OR4K1: variants seen among roughly 807,000 people sequenced by gnomAD.
OR4K1 encodes the protein olfactory receptor 4K1.
In OR4K1, 16 loss-of-function variants were observed where a neutral mutation model predicts 14.4. The observed-to-expected ratio is 1.11, with a 90% confidence interval of 0.75 to 1.68. The LOEUF is 1.68. OR4K1 is among the 40% of genes most tolerant of loss of function. The pLI is 0.00. For missense variants in OR4K1, 548 were observed against 376.9 expected (o/e 1.45, Z -3.76); for synonymous variants, 181 against 133.1 (o/e 1.36, Z -2.48).
At chr14:19,930,818 T>C (rs1213223421), upstream of OR4K1, 1 of 152,250 alleles carries the variant, frequency 6.6e-6, no homozygotes, top group Non-Finnish European at 1.5e-5. Flanking sequence ...CTCTAAAGGG[T>C]GTTTTCTTGC....
upstream of OR4K1, among the ~76,000 whole-genome samples, chr14:19,928,963 G>T (rs1882122237): frequency 6.6e-6 from 1 of 151,362 alleles, no homozygotes; most frequent in Non-Finnish European, 1.5e-5. Context: ...GGGTTTTTTT[G>T]ATATATCAAA....
chr14:19,923,672 G>A, the OR4K1 span, among the ~76,000 whole-genome samples: 1 of 152,318 alleles, frequency 6.6e-6, no homozygotes, highest in East Asian at 1.9e-4. Context: ...ATTTAAAGAT[G>A]TGCATTTAGA....
At chr14:19,929,424 G>C (rs200888503), upstream of OR4K1, among the ~76,000 whole-genome samples, 365 of 150,350 alleles carry the variant, frequency 2.4e-3, 2 homozygotes, top group Non-Finnish European at 4.0e-3. Flanking sequence ...GGGAGAGAGA[G>C]AGAGACAGAG....
At chr14:19,927,755 T>C (rs1383647711), upstream of OR4K1, among the ~76,000 whole-genome samples, 3 of 152,202 alleles carry the variant, frequency 2.0e-5, no homozygotes, top group Admixed American at 6.5e-5. Context: ...TAGTGATTTG[T>C]CTTTATTGGA....
chr14:19,935,617 T>C (rs2138597149), intron 1 of OR4K1, 31 bp from the exon 2 acceptor site: 2 of 1,432,018 alleles, frequency 1.4e-6, no homozygotes, highest in Non-Finnish European at 9.5e-7. Flanking sequence ...ATGCCAATCA[T>C]TGTGACATTT....
At chr14:19,930,109 A>G (rs1882153312), upstream of OR4K1, among the ~76,000 whole-genome samples, 2 of 150,984 alleles carry the variant, frequency 1.3e-5, no homozygotes, top group South Asian at 2.1e-4. Flanking sequence ...CTAAAATATT[A>G]TATTTCCCCA....
chr14:19,924,652 C>T, the OR4K1 span, among the ~76,000 whole-genome samples: 1 of 152,148 alleles, frequency 6.6e-6, no homozygotes, highest in Non-Finnish European at 1.5e-5. Flanking sequence ...CCTCAAAGAT[C>T]TAGAGCCAGA....
intron 1 of OR4K1, among the ~76,000 whole-genome samples, chr14:19,932,251 C>T (rs541410945): frequency 6.6e-6 from 1 of 152,196 alleles, no homozygotes; most frequent in Non-Finnish European, 1.5e-5. Flanking sequence ...AGGAATAATT[C>T]CACTAACATT....
At chr14:19,928,462 G>T (rs145021573), upstream of OR4K1, among the ~76,000 whole-genome samples, 1,726 of 152,008 alleles carry the variant, frequency 0.011, 19 homozygotes, top group African/African-American at 0.04. Flanking sequence ...CCAATGTGTC[G>T]CTAATTCATG....
chr14:19,920,943 G>C, the OR4K1 span: 2 of 1,614,050 alleles, frequency 1.2e-6, no homozygotes, highest in Non-Finnish European at 1.7e-6. Flanking sequence ...AGGGGAGATG[G>C]TGCTACTTGT....
At chr14:19,923,825 G>A in the OR4K1 span, among the ~76,000 whole-genome samples, 2 of 152,162 alleles carry the variant, frequency 1.3e-5, no homozygotes, top group African/African-American at 2.4e-5. Context: ...TATTTTTTTA[G>A]AGTTACTTTT....
rs747805659 is a variant in OR4K1 at position 19,936,294 on chromosome 14, T to G, written c.628T>G (p.Cys210Gly). 1.2e-6 allele frequency: 2 copies of G among 1,614,276 alleles called. No individual in the cohort carries two copies. Among genetic ancestry groups the G allele is most frequent in the Non-Finnish European group, 1.7e-6 (2 of 1,180,050 alleles). The change falls in exon 2 of 2, where the codon TGT becomes GGT. Residue 210 changes from cysteine to glycine, a missense_variant. By Grantham distance (159) the Cys-to-Gly change is radical. Coordinates refer to ENST00000641172, the MANE Select transcript of OR4K1 (RefSeq NM_001004063.3). ...LTNSGLISLS[C>G]FLALIISYTI... ...GAACAGTGGCCTGATATCATTGAGC[T>G]GTTTCCTGGCTTTAATTATTTCCTA...
chr14:19,921,150 C>T, the OR4K1 span: 24 of 1,614,108 alleles, frequency 1.5e-5, no homozygotes, highest in African/African-American at 4.0e-5. Context: ...TTGTGATCTT[C>T]CTCGAGTCAC....
At chr14:19,932,599 T>A (rs1882209605) in intron 1 of OR4K1, among the ~76,000 whole-genome samples, 1 of 152,214 alleles carries the variant, frequency 6.6e-6, no homozygotes, top group Non-Finnish European at 1.5e-5. Flanking sequence ...CCACCACTGT[T>A]CTATCACTCA....
intron 1 of OR4K1, among the ~76,000 whole-genome samples, chr14:19,934,601 G>A (rs1481992326): frequency 6.6e-6 from 1 of 152,194 alleles, no homozygotes; most frequent in Non-Finnish European, 1.5e-5. Context: ...TTTTCAGAGT[G>A]TAACCATTGG....
chr14:19,930,735 C>A (rs1350594312), upstream of OR4K1, among the ~76,000 whole-genome samples: 4 of 152,200 alleles, frequency 2.6e-5, no homozygotes, highest in African/African-American at 9.7e-5. Context: ...ACAAACAAAC[C>A]TTTTTTTCTT....
upstream of OR4K1, among the ~76,000 whole-genome samples, chr14:19,930,531 T>C (rs1463683174): frequency 6.6e-6 from 1 of 152,234 alleles, no homozygotes; most frequent in Non-Finnish European, 1.5e-5. Flanking sequence ...CAGACTGAAC[T>C]GTCTTATGAA....
chr14:19,926,753 T>G (rs1175232360), upstream of OR4K1, among the ~76,000 whole-genome samples: 1 of 152,230 alleles, frequency 6.6e-6, no homozygotes, highest in Admixed American at 6.5e-5. Flanking sequence ...GCCCAGCCAT[T>G]CAGGCTATGT....
At chr14:19,922,650 G>A in the OR4K1 span, among the ~76,000 whole-genome samples, 1 of 106,784 alleles carries the variant, frequency 9.4e-6, no homozygotes, top group Non-Finnish European at 2.0e-5. Context: ...GTTTTTACAT[G>A]TACTCTTTTT....
Sources: gnomAD v4.1 joint callset for allele counts (sites outside exome capture counted in the v4.1 genomes callset) on GRCh38, gnomAD v4.1.1 for gene constraint, MANE v1.5 for transcripts, NCBI Gene and HGNC (gene_info 2026-07-23, HGNC 2026-07-21) for gene names.